Variants in FAT4 observed in about 807,000 individuals in gnomAD.
FAT4 encodes the protein FAT atypical cadherin 4, also known as protocadherin Fat 4.
Under a neutral mutation model 303.9 loss-of-function variants are expected in FAT4, and 84 were observed. That is an observed-to-expected ratio of 0.28 (90% CI 0.23 to 0.33). FAT4 has a LOEUF of 0.33. FAT4 is among the 10% of genes least tolerant of loss of function. FAT4 has a pLI of 1.00. For missense variants in FAT4, 6,005 were observed against 6,146.8 expected (o/e 0.98, Z 0.77); for synonymous variants, 2,307 against 2,298.8 (o/e 1.00, Z -0.10).
chr4:125,482,317 A>G (rs541742463), intron 16 of FAT4, among the ~76,000 whole-genome samples: 1 of 152,292 alleles, frequency 6.6e-6, no homozygotes, highest in Non-Finnish European at 1.5e-5. Context: ...AAATAATCTT[A>G]AAAATTATGC....
intron 8 of FAT4, among the ~76,000 whole-genome samples, chr4:125,444,275 G>A (rs915009349): frequency 7.2e-5 from 11 of 152,108 alleles, no homozygotes; most frequent in African/African-American, 2.7e-4. Flanking sequence ...TTTGGTGAGT[G>A]CTTCCTGTGT....
intron 2 of FAT4, among the ~76,000 whole-genome samples, chr4:125,356,658 T>A (rs1732439353): frequency 6.7e-6 from 1 of 149,618 alleles, no homozygotes. Context: ...GTGACAAGAC[T>A]AATATAAGTA....
chr4:125,487,687 T>A, intron 17 of FAT4, 81 bp downstream of exon 17: 3 of 1,385,090 alleles, frequency 2.2e-6, no homozygotes, highest in South Asian at 1.6e-5. Flanking sequence ...GTGGCAAGAC[T>A]ACACATTTAA....
intron 2 of FAT4, among the ~76,000 whole-genome samples, chr4:125,353,868 A>G (rs1054001592): frequency 6.6e-6 from 1 of 151,744 alleles, no homozygotes; most frequent in Non-Finnish European, 1.5e-5. Context: ...TTGCAAAGCC[A>G]TAATGATAGA....
At chr4:125,347,257 T>C (rs935384195) in intron 2 of FAT4, among the ~76,000 whole-genome samples, 1 of 150,854 alleles carries the variant, frequency 6.6e-6, no homozygotes, top group African/African-American at 2.4e-5. Context: ...TTCAATCATA[T>C]AACCTATTTA....
At chr4:125,352,916 A>C (rs761709167) in intron 2 of FAT4, among the ~76,000 whole-genome samples, 1 of 151,780 alleles carries the variant, frequency 6.6e-6, no homozygotes, top group Non-Finnish European at 1.5e-5. Flanking sequence ...ATTTATTTCC[A>C]TATTGCTGTT....
chr4:125,450,051 A>AT lies in FAT4; in HGVS notation c.9045dup (p.Gly3016TrpfsTer12). ...AGAGTTACAGCAATAGATGACAAAG[A>AT]TTTTGGACTGAATTCAGAAGTGGAG... On this transcript the variant is annotated frameshift_variant, in exon 10 of 18. Transcript: ENST00000394329. LOFTEE classifies it high-confidence loss of function. 1 of 1,613,966 alleles carries AT rather than the reference A, an allele frequency of 6.2e-7. No individual in the cohort carries two copies. The highest frequency in any genetic ancestry group is 8.5e-7 in the Non-Finnish European group (1 of 1,179,954).
intron 3 of FAT4, among the ~76,000 whole-genome samples, chr4:125,404,360 T>G (rs1007726309): frequency 6.6e-6 from 1 of 152,092 alleles, no homozygotes; most frequent in Non-Finnish European, 1.5e-5. Context: ...AATATTGGGG[T>G]TCCTTGGCTG....
chr4:125,427,948 T>A (rs751107985), intron 7 of FAT4, among the ~76,000 whole-genome samples: 72 of 152,330 alleles, frequency 4.7e-4, no homozygotes, highest in Non-Finnish European at 9.6e-4. Flanking sequence ...ACACTTATTA[T>A]CTGTGTATAT....
At chr4:125,434,160 T>C (rs1438994820) in intron 7 of FAT4, 85 bp from the exon 8 acceptor site, 12 of 1,256,046 alleles carry the variant, frequency 9.6e-6, no homozygotes, top group Non-Finnish European at 1.3e-5. Flanking sequence ...AAATTCTCTT[T>C]AGTAATTCTG....
intron 8 of FAT4, among the ~76,000 whole-genome samples, chr4:125,444,634 C>A (rs1725764796): frequency 6.6e-6 from 1 of 150,708 alleles, no homozygotes; most frequent in African/African-American, 2.4e-5. Context: ...ACACCATGGT[C>A]TTGGCATATA....
chr4:125,384,108 A>C (rs146037953), intron 2 of FAT4, among the ~76,000 whole-genome samples: 16 of 152,194 alleles, frequency 1.1e-4, no homozygotes, highest in Non-Finnish European at 2.2e-4. Flanking sequence ...CACCTTTTGA[A>C]TATTATAAAT....
At chr4:125,404,114 G>T (rs918510572) in intron 3 of FAT4, among the ~76,000 whole-genome samples, 1 of 152,134 alleles carries the variant, frequency 6.6e-6, no homozygotes, top group African/African-American at 2.4e-5. Context: ...CATCTCTCTA[G>T]TTCAGAATTT....
At position 125,392,278 on chromosome 4, in the gene FAT4, T is replaced by A. The variant is rs190204487; in HGVS notation, c.5176-6506T>A. Among the ~76,000 whole-genome samples, 615 of 152,256 alleles carry A rather than the reference T, an allele frequency of 4.0e-3. 3 individuals are homozygous for A. The highest frequency in any genetic ancestry group is 6.8e-3 in the Middle Eastern group (2 of 294). On this transcript the variant is annotated intron_variant, in intron 2 of 17. Coordinates refer to ENST00000394329, the MANE Select transcript of FAT4 (RefSeq NM_001291303.3). ...AAAGTTTGTCATAATTTATGTGGTT[T>A]AAGTGACAATATTACATGAGACAAT...
In FAT4 at chr4:125,346,690, C is replaced by T. The variant is rs76853791; in HGVS notation, c.5175+25104C>T. 5.5e-3 allele frequency among the ~76,000 whole-genome samples: 841 copies of T among 152,014 alleles called. 29 individuals carry two copies. The South Asian group carries it at 0.07, about 13-fold the overall frequency. ...AGGATGAAAAATTATGGTTGTCTTT[C>T]GGTTCACAAGAATTCAAGGAGGCAG... On this transcript the variant is annotated intron_variant, in intron 2 of 17. Coordinates refer to ENST00000394329, the MANE Select transcript of FAT4 (RefSeq NM_001291303.3).
intron 5 of FAT4, among the ~76,000 whole-genome samples, chr4:125,413,749 A>T (rs1734934352): frequency 6.6e-6 from 1 of 152,060 alleles, no homozygotes; most frequent in African/African-American, 2.4e-5. Context: ...ATGAGAAAGA[A>T]TTTTTTTAAA....
chr4:125,444,021 GATATT>G (rs1169080745), intron 8 of FAT4, among the ~76,000 whole-genome samples: 1 of 151,938 alleles, frequency 6.6e-6, no homozygotes, highest in East Asian at 1.9e-4. Flanking sequence ...AAATTAATTA[GATATT>G]AATGACTATT....
At chr4:125,472,089 A>AAT (rs1553929345) in intron 12 of FAT4, among the ~76,000 whole-genome samples, 1 of 138,044 alleles carries the variant, frequency 7.2e-6, no homozygotes, top group South Asian at 2.3e-4. Context: ...AAAAAAAAAA[A>AAT]GGGTAGTTAC....
chr4:125,458,108 C>T (rs1007925707), intron 10 of FAT4, among the ~76,000 whole-genome samples: 1 of 151,922 alleles, frequency 6.6e-6, no homozygotes, highest in African/African-American at 2.4e-5. Context: ...TCTCTTTAAC[C>T]TTTTCCATTC....
Sources: allele counts gnomAD v4.1 joint callset (sites outside exome capture counted in the v4.1 genomes callset), GRCh38; gene constraint gnomAD v4.1.1; transcripts MANE v1.5; gene names NCBI Gene and HGNC (gene_info 2026-07-23, HGNC 2026-07-21).